Variants in GPR161 observed in about 807,000 individuals in gnomAD.
GPR161 encodes the protein G protein-coupled receptor 161, also known as G-protein coupled receptor RE2.
Under a neutral mutation model 39.2 loss-of-function variants are expected in GPR161, and 25 were observed. The ratio of observed to expected loss-of-function variants is 0.64; its 90% CI spans 0.47 to 0.89. GPR161 has a LOEUF of 0.89. GPR161 is among the 40% of genes least tolerant of loss of function. The pLI is 0.00. For missense variants in GPR161, 547 were observed against 677.8 expected (o/e 0.81, Z 2.14); for synonymous variants, 286 against 276.6 (o/e 1.03, Z -0.34).
At chr1:168,120,648 C>T (rs1698091409) in intron 1 of GPR161, among the ~76,000 whole-genome samples, 1 of 152,152 alleles carries the variant, frequency 6.6e-6, no homozygotes, top group Non-Finnish European at 1.5e-5. Context: ...ATAATCCCCA[C>T]ATGTCGAGAG....
intron 3 of GPR161, 22 bp from the exon 4 acceptor site, chr1:168,090,690 G>C: frequency 1.4e-6 from 2 of 1,422,682 alleles, no homozygotes; most frequent in Non-Finnish European, 2.0e-6. Context: ...AATTGGCATT[G>C]ACAACACAAT....
At position 168,085,416 on chromosome 1, in the gene GPR161, T is replaced by C. The variant is rs1024388755; in HGVS notation, c.*115A>G. Reference sequence around the variant, plus strand: ...TGCATACCAGATGCTGCTCCTTCCCTGTGTGTGGCCAGCTGTACACAGTGA... The same window carrying C: ...TGCATACCAGATGCTGCTCCTTCCCCGTGTGTGGCCAGCTGTACACAGTGA... On this transcript the variant is annotated 3_prime_UTR_variant, in exon 6 of 6. Transcript: ENST00000682931. 66 of 945,790 alleles carry C rather than the reference T, an allele frequency of 7.0e-5. 1 individual carries two copies. The Middle Eastern group carries it at 1.2e-3, about 18-fold the overall frequency. The allele number at this position is 945,790 out of a possible 1,614,324, so 58.6% of individuals were successfully genotyped here.
chr1:168,097,256 AAG>A (rs1340725456), intron 2 of GPR161, 24 bp from the exon 3 acceptor site: 4 of 1,588,472 alleles, frequency 2.5e-6, no homozygotes, highest in African/African-American at 1.3e-5. Flanking sequence ...GGAGGGAGGC[AAG>A]AGAGAGAAGT....
intron 4 of GPR161, chr1:168,088,627 T>A (rs1319363640): frequency 2.0e-5 from 3 of 152,246 alleles, no homozygotes; most frequent in African/African-American, 7.2e-5. Flanking sequence ...GGGTCATCAT[T>A]CAGTCTACCT....
intron 5 of GPR161, 101 bp downstream of exon 5, chr1:168,087,484 T>C (rs916841462): frequency 1.5e-6 from 2 of 1,353,724 alleles, no homozygotes; most frequent in Middle Eastern, 1.8e-4. Context: ...GATGGAGCCC[T>C]GATATATTCC....
At chr1:168,128,620 A>T (rs1698765176) in intron 1 of GPR161, among the ~76,000 whole-genome samples, 2 of 152,236 alleles carry the variant, frequency 1.3e-5, no homozygotes. Flanking sequence ...AAGACAAGAG[A>T]TGGAAGCTGT....
chr1:168,095,741 G>T (rs1467174583), intron 3 of GPR161, among the ~76,000 whole-genome samples: 1 of 152,156 alleles, frequency 6.6e-6, no homozygotes, highest in East Asian at 1.9e-4. Flanking sequence ...GTGGGGAGGG[G>T]GTGCTGACAA....
At position 168,084,961 on chromosome 1, in the gene GPR161, T is replaced by G. The variant is rs1264905035; in HGVS notation, c.*570A>C. 4.4e-6 allele frequency: 2 copies of G among 456,194 alleles called. No individual in the cohort carries two copies. Among genetic ancestry groups the G allele is most frequent in the African/African-American group, 4.0e-5 (2 of 50,078 alleles). The allele number at this position is 456,194 out of a possible 1,614,324, so 28.3% of individuals were successfully genotyped here. A position where few individuals can be genotyped will look rare whatever the true frequency, so the allele number is the denominator to read the frequency against. On this transcript the variant is annotated 3_prime_UTR_variant, in exon 6 of 6. Transcript: ENST00000682931. ...GCCACTGAGGACCGCTCCGAAGCGCTCTGCTCCTGGGTGCTTTCTCTGCGG... is the reference window on the plus strand; with the variant it reads ...GCCACTGAGGACCGCTCCGAAGCGCGCTGCTCCTGGGTGCTTTCTCTGCGG...
intron 1 of GPR161, chr1:168,136,497 AG>A: frequency 7.9e-7 from 1 of 1,259,210 alleles, no homozygotes; most frequent in South Asian, 2.9e-5. Flanking sequence ...GCCGCAGGGG[AG>A]GGGCGCGCCC....
At chr1:168,091,334 A>C (rs1695043263) in intron 3 of GPR161, among the ~76,000 whole-genome samples, 1 of 152,210 alleles carries the variant, frequency 6.6e-6, no homozygotes, top group Admixed American at 6.5e-5. Context: ...CCGCGGCAGA[A>C]GCGACCCAGT....
At chr1:168,099,365 T>G (rs556504826) in intron 2 of GPR161, among the ~76,000 whole-genome samples, 69 of 152,260 alleles carry the variant, frequency 4.5e-4, no homozygotes, top group African/African-American at 1.5e-3. Flanking sequence ...TTTCTACTTT[T>G]TTTCTATCCC....
rs539424826 is a variant in GPR161, at chr1:168,103,375, T to C, written c.374+1102A>G. Among the ~76,000 whole-genome samples the C allele has an allele frequency of 2.0e-5, 3 of 151,764 alleles. No homozygotes were observed. The South Asian group carries it at 6.2e-4, about 32-fold the overall frequency. On this transcript the variant is annotated intron_variant, in intron 2 of 5. Coordinates refer to ENST00000682931, the MANE Select transcript of GPR161 (RefSeq NM_001375883.1). ...GTGATTGTTTCTGATGGTTAGATCA[T>C]GTGTTTCTAATTTCATTCATTATAT... is the stretch of plus-strand genomic sequence containing the variant.
Position 168,104,563 on chromosome 1 carries a change from A to G in GPR161, c.288T>C (p.Gly96=). 1 of 1,614,062 alleles carries G rather than the reference A, an allele frequency of 6.2e-7. No homozygotes were observed. Among genetic ancestry groups the G allele is most frequent in the Non-Finnish European group, 8.5e-7 (1 of 1,179,930 alleles). The change falls in exon 2 of 6, where the codon GGT becomes GGC. Residue 96 remains glycine, a synonymous_variant. Transcript: ENST00000682931. ...TSSIRREWIF[G]VVWCNFSALL... ...GGGCAGAGAAGTTGCACCACACTAC[A>G]CCAAAGATCCATTCCCTGCGGATGG...
rs1003522019 is a variant in GPR161 at position 168,084,562 on chromosome 1, G to A, written c.*969C>T. The A allele has an allele frequency of 5.7e-6, 2 of 352,936 alleles. No individual in the cohort carries two copies. The highest frequency in any genetic ancestry group is 4.3e-5 in the African/African-American group (2 of 46,610). The allele number at this position is 352,936 out of a possible 1,614,324, so 21.9% of individuals were successfully genotyped here. ...TATTTATACCAGGCTTGTGATAATA[G>A]TAACTGTTGCTCTTGGGAGTGTGCC... On this transcript the variant is annotated 3_prime_UTR_variant, in exon 6 of 6. Transcript: ENST00000682931.
intron 1 of GPR161, among the ~76,000 whole-genome samples, chr1:168,115,661 G>A (rs929900572): frequency 3.9e-5 from 6 of 152,164 alleles, no homozygotes; most frequent in South Asian, 2.1e-4. Context: ...TCACAGGCCC[G>A]GGGTTACTGG....
At chr1:168,087,936 G>A (rs1175533514) in intron 4 of GPR161, 2 of 445,080 alleles carry the variant, frequency 4.5e-6, no homozygotes, top group African/African-American at 2.0e-5. Context: ...ATGCAGCCAA[G>A]TTATCTGAAG....
chr1:168,120,028 C>A (rs1698037572), intron 1 of GPR161, among the ~76,000 whole-genome samples: 1 of 152,208 alleles, frequency 6.6e-6, no homozygotes, highest in African/African-American at 2.4e-5. Flanking sequence ...ACGCTAGGGG[C>A]ACTGCCTAGT....
chr1:168,136,285 C>A, intron 1 of GPR161: 1 of 1,451,646 alleles, frequency 6.9e-7, no homozygotes, highest in Non-Finnish European at 9.1e-7. Flanking sequence ...AGCCGAGGGG[C>A]GTGACCGCTT....
intron 1 of GPR161, chr1:168,134,848 C>A (rs1189408794): frequency 2.0e-6 from 3 of 1,464,734 alleles, no homozygotes; most frequent in Non-Finnish European, 2.8e-6. Context: ...CCGCCTCCTG[C>A]ACTCAGGCTT....
Sources: allele counts gnomAD v4.1 joint callset (sites outside exome capture counted in the v4.1 genomes callset), GRCh38; gene constraint gnomAD v4.1.1; transcripts MANE v1.5; gene names NCBI Gene and HGNC (gene_info 2026-07-23, HGNC 2026-07-21).